C1orf94: variants seen among roughly 807,000 people sequenced by gnomAD.
C1orf94 encodes chromosome 1 open reading frame 94.
A neutral mutation model predicts 53.6 loss-of-function variants in C1orf94; 45 were observed. The ratio of observed to expected loss-of-function variants is 0.84; its 90% CI spans 0.66 to 1.08. The LOEUF is 1.08. Ranked by LOEUF, C1orf94 falls within the 50% of genes least tolerant of loss-of-function variation. The probability of loss-of-function intolerance (pLI) is 0.00; values close to 1 mark genes in which losing one functional copy is unlikely to be tolerated. For synonymous variants in C1orf94, 304 were observed against 296.1 expected, an observed-to-expected ratio of 1.03 and a Z score of -0.27; for missense variants, 762 against 738.9, an observed-to-expected ratio of 1.03 and a Z score of -0.36.
intron 1 of C1orf94, among the ~76,000 whole-genome samples, chr1:34,190,944 G>T (rs944009933): frequency 6.6e-6 from 1 of 152,128 alleles, no homozygotes; most frequent in Non-Finnish European, 1.5e-5. Context: ...AGGTTCTTCC[G>T]CTGTGGGCTG....
intron 1 of C1orf94, 80 bp downstream of exon 1, chr1:34,178,189 C>G (rs1557476058): frequency 7.1e-7 from 1 of 1,416,336 alleles, no homozygotes; most frequent in Middle Eastern, 1.8e-4. Flanking sequence ...TGTTCTGGCC[C>G]ACTGTTGAGG....
chr1:34,212,828 C>A (rs552269769), intron 6 of C1orf94, among the ~76,000 whole-genome samples: 3 of 152,290 alleles, frequency 2.0e-5, no homozygotes, highest in East Asian at 3.9e-4. Context: ...ATCTCCCCAA[C>A]ATCCCATTGA....
chr1:34,197,464 A>T lies in C1orf94; in HGVS notation c.560A>T (p.Gln187Leu). ...SIIVGDKLLK[Q>L]KVAMPVISSR... is the part of the protein sequence containing the mutation. ...ATTGTCGGAGACAAGCTTCTGAAGCAGAAGGTGGCCATGCCCGTTATCAGC... is the reference window on the plus strand; with the variant it reads ...ATTGTCGGAGACAAGCTTCTGAAGCTGAAGGTGGCCATGCCCGTTATCAGC... Residue 187 changes from glutamine (Q) to leucine (L), a missense_variant, in exon 2 of 7, where the codon CAG becomes CTG. Coordinates refer to ENST00000488417, the MANE Select transcript of C1orf94 (RefSeq NM_001134734.2). This position sits in a 1 kb window ranked among gnomAD's most constrained non-coding sequence, Gnocchi z 4.1. The T allele has an allele frequency of 6.2e-7, 1 of 1,614,128 alleles. No individual in the cohort carries two copies.
At chr1:34,210,932 G>A (rs1034102676) in intron 5 of C1orf94, among the ~76,000 whole-genome samples, 7 of 151,992 alleles carry the variant, frequency 4.6e-5, no homozygotes, top group East Asian at 3.9e-4. Context: ...GGTTACAGGC[G>A]TGAGCCAACG....
At chr1:34,171,634 G>A (rs989229424) in intron 1 of C1orf94, among the ~76,000 whole-genome samples, 8 of 152,158 alleles carry the variant, frequency 5.3e-5, no homozygotes, top group African/African-American at 7.2e-5. Context: ...AGAAACTGAC[G>A]AACCTAACAG....
chr1:34,194,779 A>T (rs1162843505), intron 1 of C1orf94, among the ~76,000 whole-genome samples: 1 of 152,218 alleles, frequency 6.6e-6, no homozygotes, highest in African/African-American at 2.4e-5. Flanking sequence ...CAATACCATT[A>T]TCACAATTTT....
chr1:34,171,360 A>G (rs1642142460), intron 1 of C1orf94, among the ~76,000 whole-genome samples: 1 of 152,196 alleles, frequency 6.6e-6, no homozygotes, highest in Admixed American at 6.5e-5. Flanking sequence ...AATTCAGTCC[A>G]GGTGACAGTT....
In C1orf94 at chr1:34,197,318, A is replaced by C. The variant is rs61741809; in HGVS notation, c.414A>C (p.Glu138Asp). ...SLTKEHSILV[E>D]ESSGELEVPG... ...CCAAAGAGCACTCGATCCTGGTCGA[A>C]GAGAGTTCTGGGGAGCTGGAGGTAC... The change falls in exon 2 of 7, where the codon GAA (glutamate) becomes GAC (aspartate). Residue 138 changes from glutamate (E) to aspartate (D), a missense_variant. Transcript: ENST00000488417. The surrounding 1 kb of genome is among the most constrained non-coding windows in gnomAD (Gnocchi z 4.1). 0.014 allele frequency: 22,176 copies of C among 1,569,824 alleles called. 209 individuals carry two copies. The highest frequency in any genetic ancestry group is 0.017 in the Non-Finnish European group (19,672 of 1,156,852).
At position 34,197,983 on chromosome 1, in the gene C1orf94, G is replaced by A; in HGVS notation, c.1009+70G>A. 1.4e-6 allele frequency: 2 copies of A among 1,430,332 alleles called. No individual in the cohort carries two copies. Among genetic ancestry groups the A allele is most frequent in the Non-Finnish European group, 1.9e-6 (2 of 1,055,962 alleles). The allele number at this position is 1,430,332 out of a possible 1,614,324, so 88.6% of individuals were successfully genotyped here. A position where few individuals can be genotyped will look rare whatever the true frequency, so the allele number is the denominator to read the frequency against. The stretch of plus-strand genomic sequence containing the variant: ...GGTCCTTCCCAGGAAGCCAATCAGG[G>A]CTGCAGCATGTACATAAAGCATCTT... On this transcript the variant is annotated intron_variant, in intron 2 of 6. Transcript: ENST00000488417. This position sits in a 1 kb window ranked among gnomAD's most constrained non-coding sequence, Gnocchi z 4.1.
At position 34,212,275 on chromosome 1, in the gene C1orf94, G is replaced by A. The variant is rs146651157; in HGVS notation, c.1590G>A (p.Leu530=). 2 of 1,613,948 alleles carry A rather than the reference G, an allele frequency of 1.2e-6. No individual in the cohort carries two copies. The highest frequency in any genetic ancestry group is 2.2e-5 in the East Asian group (1 of 44,816). The change falls in exon 6 of 7, where the codon CTG becomes CTA. Residue 530 remains leucine (L), a synonymous_variant. Transcript: ENST00000488417. The part of the protein sequence containing the change: ...QIFRSSYTPL[L]SYIPFVQPNY... ...TCCGCTCTTCCTACACCCCTCTGCT[G>A]AGCTACATCCCTTTTGTCCAGCCCA... is the stretch of plus-strand genomic sequence containing the variant.
rs547686217 is a variant in C1orf94 at position 34,177,107 on chromosome 1, G to A, written c.-683G>A. Among the ~76,000 whole-genome samples, 148 of 152,352 alleles carry A rather than the reference G, an allele frequency of 9.7e-4. 1 individual carries two copies. Among genetic ancestry groups the A allele is most frequent in the African/African-American group, 3.5e-3 (144 of 41,594 alleles). On this transcript the variant is annotated 5_prime_UTR_variant, in exon 1 of 7. Transcript: ENST00000488417. The stretch of plus-strand genomic sequence containing the variant: ...GCGCGGCTGGGGCAGGGGTCTGCTG[G>A]GGGCCGGGGACTAAGGGCTGTGGGC...
intron 1 of C1orf94, among the ~76,000 whole-genome samples, chr1:34,186,741 A>C (rs995091559): frequency 1.1e-4 from 16 of 152,218 alleles, no homozygotes; most frequent in African/African-American, 3.9e-4. Context: ...CAGCCCCTTA[A>C]TCGGGGCTAT....
intron 1 of C1orf94, among the ~76,000 whole-genome samples, chr1:34,196,719 T>C (rs1642591635): frequency 6.6e-6 from 1 of 152,096 alleles, no homozygotes. Flanking sequence ...GGGTGTAAGC[T>C]TAGGCTGTCC....
chr1:34,204,432 C>T (rs1642762209), intron 4 of C1orf94, among the ~76,000 whole-genome samples: 1 of 152,020 alleles, frequency 6.6e-6, no homozygotes, highest in East Asian at 1.9e-4. Context: ...GAAAGGTGAC[C>T]TAAGAAGGAA....
intron 1 of C1orf94, among the ~76,000 whole-genome samples, chr1:34,184,878 A>G (rs967348638): frequency 1.5e-4 from 22 of 151,598 alleles, no homozygotes; most frequent in African/African-American, 5.3e-4. Context: ...AAACCTGGTG[A>G]TGGGAGTGAT....
rs1642234494 is a variant in C1orf94, at chr1:34,176,918, C to G, written c.-872C>G. On this transcript the variant is annotated 5_prime_UTR_variant, in exon 1 of 7. Transcript: ENST00000488417. The stretch of plus-strand genomic sequence containing the variant: ...ACCCAGGGCGCCCCGCGCACCGAGC[C>G]GTTGCGTTTGAAACCCACAGAAAGA... Among the ~76,000 whole-genome samples the G allele has an allele frequency of 6.6e-6, 1 of 152,044 alleles. No homozygotes were observed. Among genetic ancestry groups the G allele is most frequent in the African/African-American group, 2.4e-5 (1 of 41,410 alleles).
At chr1:34,214,886 C>T (rs114168184) in intron 6 of C1orf94, among the ~76,000 whole-genome samples, 5,700 of 152,010 alleles carry the variant, frequency 0.037, 169 homozygotes, top group Middle Eastern at 0.095. Flanking sequence ...ACCATGAGGT[C>T]GGAAAAATAA....
intron 6 of C1orf94, among the ~76,000 whole-genome samples, chr1:34,212,789 G>C (rs1410867038): frequency 6.6e-6 from 1 of 152,116 alleles, no homozygotes; most frequent in Admixed American, 6.5e-5. Context: ...ACCTCCCACT[G>C]TCCGCACCCT....
At chr1:34,178,952 ACAGATGG>A (rs1642272500) in intron 1 of C1orf94, among the ~76,000 whole-genome samples, 4 of 152,252 alleles carry the variant, frequency 2.6e-5, no homozygotes, top group Non-Finnish European at 5.9e-5. Flanking sequence ...TCCCCATTTT[ACAGATGG>A]ATTAAGTGTT....
Sources: allele counts gnomAD v4.1 joint callset (sites outside exome capture counted in the v4.1 genomes callset), GRCh38; gene constraint gnomAD v4.1.1; non-coding constraint Gnocchi (gnomAD v3.1); transcripts MANE v1.5; gene names NCBI Gene and HGNC (gene_info 2026-07-23, HGNC 2026-07-21).